Variants in PDE3A observed in about 807,000 individuals in gnomAD.
The protein encoded by PDE3A is cGMP-inhibited 3',5'-cyclic phosphodiesterase 3A.
Under a neutral mutation model 98.3 loss-of-function variants are expected in PDE3A, and 43 were observed. The ratio of observed to expected loss-of-function variants is 0.44; its 90% CI spans 0.34 to 0.56. PDE3A has a LOEUF of 0.56. PDE3A is among the 20% of genes least tolerant of loss of function. The pLI is 0.01. For missense variants in PDE3A, 1,427 were observed against 1,440.7 expected (o/e 0.99, Z 0.15); for synonymous variants, 663 against 567.9 (o/e 1.17, Z -2.38).
chr12:20,476,866 A>T (rs74066449), intron 1 of PDE3A, among the ~76,000 whole-genome samples: 11 of 152,148 alleles, frequency 7.2e-5, no homozygotes, highest in Non-Finnish European at 1.5e-5. Context: ...TAAAGTATAC[A>T]TTGAAAATTA....
At chr12:20,381,064 G>T (rs576396985) in intron 1 of PDE3A, among the ~76,000 whole-genome samples, 1 of 151,650 alleles carries the variant, frequency 6.6e-6, no homozygotes, top group East Asian at 2.0e-4. Flanking sequence ...TAGTTATTAA[G>T]GCAGTAGCCT....
rs188900619 is a variant in PDE3A at position 20,563,524 on chromosome 12, A to C, written c.1011+6814A>C. Among the ~76,000 whole-genome samples the C allele has an allele frequency of 2.6e-5, 4 of 152,208 alleles. No homozygotes were observed. The East Asian group carries it at 7.7e-4, about 29-fold the overall frequency. ...TGCCAGTGCTACTTTTTCTACAAAC[A>C]TAGTGTCTTTCACTTGCATTTCTTC... On this transcript the variant is annotated intron_variant, in intron 2 of 15. Transcript: ENST00000359062.
chr12:20,628,624 G>C (rs754310528), intron 5 of PDE3A, among the ~76,000 whole-genome samples: 1 of 152,122 alleles, frequency 6.6e-6, no homozygotes, highest in African/African-American at 2.4e-5. Flanking sequence ...CTGGGAGGGG[G>C]TTGAGCTGCT....
intron 1 of PDE3A, among the ~76,000 whole-genome samples, chr12:20,489,204 G>A (rs1213632817): frequency 2.6e-5 from 4 of 152,050 alleles, no homozygotes; most frequent in Non-Finnish European, 4.4e-5. Flanking sequence ...TAAGGACTTC[G>A]TATTTTATTT....
At chr12:20,551,703 G>C (rs1469771686) in intron 1 of PDE3A, 1 of 1,613,142 alleles carries the variant, frequency 6.2e-7, no homozygotes, top group Non-Finnish European at 8.5e-7. Context: ...AGGACGAGTG[G>C]TACTGCCCTG....
intron 2 of PDE3A, among the ~76,000 whole-genome samples, chr12:20,583,314 T>G (rs891537046): frequency 1.3e-5 from 2 of 152,194 alleles, no homozygotes; most frequent in African/African-American, 4.8e-5. Flanking sequence ...TGTCTGTAGT[T>G]TCAGTGAATA....
chr12:20,593,899 A>AAAT (rs1291321145), intron 2 of PDE3A, among the ~76,000 whole-genome samples: 1 of 152,058 alleles, frequency 6.6e-6, no homozygotes, highest in African/African-American at 2.4e-5. Flanking sequence ...ATGTGGATAA[A>AAAT]AATAATAAAA....
intron 2 of PDE3A, among the ~76,000 whole-genome samples, chr12:20,590,631 A>G (rs566837946): frequency 2.6e-5 from 4 of 151,996 alleles, no homozygotes; most frequent in Admixed American, 2.6e-4. Flanking sequence ...GGAAAGAGGA[A>G]AGGAAAGGAG....
intron 1 of PDE3A, among the ~76,000 whole-genome samples, chr12:20,554,480 T>G (rs1942313831): frequency 6.6e-6 from 1 of 151,858 alleles, no homozygotes; most frequent in Non-Finnish European, 1.5e-5. Context: ...CAGTTTTGTC[T>G]TTTTAAAAAT....
intron 1 of PDE3A, among the ~76,000 whole-genome samples, chr12:20,425,298 C>T (rs762683600): frequency 2.6e-5 from 4 of 151,876 alleles, no homozygotes; most frequent in African/African-American, 9.7e-5. Flanking sequence ...AGAAACTGAG[C>T]GATTTTATTT....
At chr12:20,439,833 A>C (rs985330351) in intron 1 of PDE3A, among the ~76,000 whole-genome samples, 2 of 152,148 alleles carry the variant, frequency 1.3e-5, no homozygotes, top group Non-Finnish European at 2.9e-5. Context: ...AAACATCAGG[A>C]TATTGCATAA....
chr12:20,416,466 C>A (rs1010013855), intron 1 of PDE3A, among the ~76,000 whole-genome samples: 2 of 152,040 alleles, frequency 1.3e-5, no homozygotes, highest in African/African-American at 4.8e-5. Context: ...TAAAACAAGA[C>A]CAGAATTAAG....
At chr12:20,657,217 C>T (rs78488923) in intron 15 of PDE3A, among the ~76,000 whole-genome samples, 2,233 of 152,234 alleles carry the variant, frequency 0.015, 53 homozygotes, top group African/African-American at 0.051. Flanking sequence ...GGAATCAATG[C>T]TTATCAGTTA....
chr12:20,389,499 G>A (rs1943874540), intron 1 of PDE3A, among the ~76,000 whole-genome samples: 1 of 151,892 alleles, frequency 6.6e-6, no homozygotes. Context: ...AGCATGGTTG[G>A]CTCCTAGACT....
intron 1 of PDE3A, among the ~76,000 whole-genome samples, chr12:20,417,367 G>A (rs1235644298): frequency 6.6e-6 from 1 of 152,114 alleles, no homozygotes; most frequent in Admixed American, 6.5e-5. Context: ...AAACAGATTA[G>A]CAAGTCCCCA....
Position 20,634,934 on chromosome 12 carries a change from A to G in PDE3A, c.1879A>G (p.Thr627Ala). Residue 627 changes from threonine (T) to alanine (A), a missense_variant, in exon 8 of 16, where the codon ACC (threonine) becomes GCC (alanine). By Grantham distance (58) the Thr-to-Ala change is moderately conservative (BLOSUM62 0). Around this residue, in one of 3 missense-constraint regions of PDE3A, gnomAD observed 1,012 missense variants for 886.5 expected, o/e 1.14. Transcript: ENST00000359062. ...DTAQVTSDYE[T>A]NNNSDSSDIV... ...TGCTCAAGTTACCTCTGATTATGAAACCAATAACAACAGTGACAGCAGTGA... is the reference window on the plus strand; with the variant it reads ...TGCTCAAGTTACCTCTGATTATGAAGCCAATAACAACAGTGACAGCAGTGA... The G allele has an allele frequency of 1.9e-6, 3 of 1,610,700 alleles. No homozygotes were observed. The highest frequency in any genetic ancestry group is 1.1e-5 in the South Asian group (1 of 91,012).
At position 20,523,332 on chromosome 12, in the gene PDE3A, G is replaced by A. The variant is rs531521041; in HGVS notation, c.961-33328G>A. Among the ~76,000 whole-genome samples, 7 of 152,196 alleles carry A rather than the reference G, an allele frequency of 4.6e-5. No individual in the cohort carries two copies. In the South Asian group the frequency reaches 8.3e-4, roughly 18 times the overall value. ...TGGGATCCAGACTCATCAGCTGCCC[G>A]CTGTAGGTTGTCCTTAAAACTTAGA... On this transcript the variant is annotated intron_variant, in intron 1 of 15. Coordinates refer to ENST00000359062, the MANE Select transcript of PDE3A (RefSeq NM_000921.5).
At chr12:20,386,144 T>TATATAAATATATAAAAATATATAA (rs1237064551) in intron 1 of PDE3A, among the ~76,000 whole-genome samples, 2 of 26,520 alleles carry the variant, frequency 7.5e-5, no homozygotes, top group African/African-American at 2.8e-4. Context: ...TATATATAAA[T>TATATAAATATATAAAAATATATAA]ATATATATAA....
At chr12:20,504,414 C>T (rs528502037) in intron 1 of PDE3A, among the ~76,000 whole-genome samples, 3 of 151,990 alleles carry the variant, frequency 2.0e-5, no homozygotes, top group East Asian at 3.9e-4. Context: ...TTAAAGAGAC[C>T]ATATTCTTCT....
Sources: gnomAD v4.1 joint callset for allele counts (sites outside exome capture counted in the v4.1 genomes callset) on GRCh38, gnomAD v4.1.1 for gene constraint, gnomAD v4.1.1 regional missense constraint, MANE v1.5 for transcripts, NCBI Gene and HGNC (gene_info 2026-07-23, HGNC 2026-07-21) for gene names.